Variants in CCT2 observed in about 807,000 individuals in gnomAD.
CCT2 encodes T-complex protein 1 subunit beta.
A neutral mutation model predicts 61.8 loss-of-function variants in CCT2; 18 were observed. That is an observed-to-expected ratio of 0.29 (90% CI 0.20 to 0.43). The LOEUF is 0.43. Among genes scored for constraint, CCT2 ranks in the 20% least tolerant of loss-of-function variants. The pLI, the probability that CCT2 is intolerant of heterozygous loss-of-function variation, is 1.00. For missense variants in CCT2, 556 were observed against 656.9 expected (o/e 0.85, Z 1.68); for synonymous variants, 248 against 215.9 (o/e 1.15, Z -1.30).
chr12:69,586,658 A>C (rs1167303185), intron 2 of CCT2, 95 bp from the exon 3 acceptor site: 3 of 901,898 alleles, frequency 3.3e-6, no homozygotes, highest in Admixed American at 2.4e-5. Context: ...ACAGAGCGAC[A>C]CTCTGCCTCA....
chr12:69,598,975 A>G (rs1443423376), intron 14 of CCT2, among the ~76,000 whole-genome samples: 1 of 152,224 alleles, frequency 6.6e-6, no homozygotes, highest in Non-Finnish European at 1.5e-5. Flanking sequence ...GGATTCTCAC[A>G]AGAAGAGAAG....
intron 14 of CCT2, among the ~76,000 whole-genome samples, chr12:69,599,318 A>G (rs533207156): frequency 4.8e-4 from 73 of 152,256 alleles, no homozygotes; most frequent in African/African-American, 1.3e-3. Context: ...GCCTCAAGCA[A>G]TCCTCCTGCC....
chr12:69,587,351 C>T (rs1282229435), intron 3 of CCT2, among the ~76,000 whole-genome samples, 154 bp from the exon 4 acceptor site: 2 of 152,128 alleles, frequency 1.3e-5, no homozygotes, highest in East Asian at 1.9e-4. Flanking sequence ...GGTTTGGTTA[C>T]GTGGTGTATG....
intron 6 of CCT2, 37 bp from the exon 7 acceptor site, chr12:69,589,448 G>C: frequency 6.7e-7 from 1 of 1,501,850 alleles, no homozygotes; most frequent in South Asian, 1.1e-5. Context: ...GAAAAGTAAA[G>C]TAGGGTTAAT....
intron 14 of CCT2, 67 bp downstream of exon 14, chr12:69,598,488 C>A (rs1432081145): frequency 5.2e-6 from 5 of 969,008 alleles, no homozygotes; most frequent in African/African-American, 5.0e-5. Context: ...CTTTTTTTTT[C>A]TTTTGGAACA....
At chr12:69,589,987 C>T (rs969293196) in intron 7 of CCT2, among the ~76,000 whole-genome samples, 2 of 152,040 alleles carry the variant, frequency 1.3e-5, no homozygotes, top group African/African-American at 4.8e-5. Context: ...GTACTTTTAC[C>T]AGGATTATAT....
chr12:69,597,045 T>C (rs1263925922), intron 10 of CCT2, 111 bp from the exon 11 acceptor site: 36 of 932,670 alleles, frequency 3.9e-5, no homozygotes, highest in Non-Finnish European at 5.8e-5. Flanking sequence ...CAGCAATCAA[T>C]TTTTAAAATG....
rs1365526324 is a variant in CCT2, at chr12:69,588,093, TGA to T, written c.334-55_334-54del. 8 of 1,510,770 alleles carry T rather than the reference TGA, an allele frequency of 5.3e-6. No homozygotes were observed. The African/African-American group carries it at 9.6e-5, about 18-fold the overall frequency. The allele number at this position is 1,510,770 out of a possible 1,614,324, so 93.6% of individuals were successfully genotyped here. The stretch of plus-strand genomic sequence containing the variant: ...TCCTTACTTCCTCTGTCTTTACTAT[TGA>T]GGAGTGCTTAATAATTTTCTATTTA... On this transcript the variant is annotated intron_variant, in intron 5 of 15. Coordinates refer to ENST00000299300, the MANE Select transcript of CCT2 (RefSeq NM_006431.3).
chr12:69,593,666 TG>T, intron 10 of CCT2, 53 bp downstream of exon 10: 1 of 1,108,966 alleles, frequency 9.0e-7, no homozygotes, highest in South Asian at 1.3e-5. Context: ...CTCTTGAATT[TG>T]TTATTTGTTA....
chr12:69,598,528 T>G, intron 14 of CCT2, 107 bp downstream of exon 14: 1 of 569,694 alleles, frequency 1.8e-6, no homozygotes. Flanking sequence ...TATAAAAGAC[T>G]CTTTTGGACT....
Position 69,599,908 on chromosome 12 carries a change from CAG to C in CCT2, c.1483_1484del (p.Glu495LysfsTer14). The C allele has an allele frequency of 1.2e-6, 2 of 1,613,722 alleles. No individual in the cohort carries two copies. Among genetic ancestry groups the C allele is most frequent in the Non-Finnish European group, 1.7e-6 (2 of 1,179,744 alleles). On this transcript the variant is annotated frameshift_variant, in exon 15 of 16. Transcript: ENST00000299300. LOFTEE classifies it high-confidence loss of function. ...GGAGATATGGCTATCCTGGGTATAA[CAG>C]AAAGTTTTCAAGTGAAGCGACAGGT...
At chr12:69,590,541 A>G (rs1451706811) in intron 7 of CCT2, among the ~76,000 whole-genome samples, 2 of 152,050 alleles carry the variant, frequency 1.3e-5, no homozygotes, top group Non-Finnish European at 2.9e-5. Context: ...AAGTATAGGC[A>G]TTCTTATATA....
intron 1 of CCT2, chr12:69,585,942 G>T (rs1458464741): frequency 1.6e-6 from 2 of 1,280,092 alleles, no homozygotes; most frequent in Non-Finnish European, 2.0e-6. Context: ...CGCCCGGCAG[G>T]CGTCACCTTG....
At position 69,595,688 on chromosome 12, in the gene CCT2, CAAAAA is replaced by C. The variant is rs10655703; in HGVS notation, c.983-1453_983-1449del. ...TGGGTGACAGAGCGAGACTCCGTCT[CAAAAA>C]AAAAAAAAAAAAAAGATGTAAGAAG... On this transcript the variant is annotated intron_variant, in intron 10 of 15. Transcript: ENST00000299300. Among the ~76,000 whole-genome samples, 8 of 99,506 alleles carry C rather than the reference CAAAAA, an allele frequency of 8.0e-5. 1 individual carries two copies. In the East Asian group the frequency reaches 2.4e-3, roughly 30 times the overall value. The allele number at this position is 99,506 out of a possible 152,430, so 65.3% of individuals were successfully genotyped here.
At position 69,599,962 on chromosome 12, in the gene CCT2, A is replaced by T; in HGVS notation, c.1535A>T (p.Glu512Val). 6.2e-7 allele frequency: 1 copy of T among 1,613,836 alleles called. No homozygotes were observed. Among genetic ancestry groups the T allele is most frequent in the East Asian group, 2.2e-5 (1 of 44,882 alleles). ...CTTCTGAGTGCAGCTGAAGCAGCAG[A>T]GGTGATTCTGCGTGTGGACAACATC... The part of the protein sequence containing the change: ...QVLLSAAEAA[E>V]VILRVDNIIK... The change falls in exon 15 of 16, where the codon GAG becomes GTG. Residue 512 changes from glutamate (E) to valine (V), a missense_variant. This residue lies in a region of CCT2 where 225 missense variants were observed against 249.8 expected (regional missense o/e 0.90). Transcript: ENST00000299300.
At chr12:69,587,759 C>A in intron 4 of CCT2, 143 bp downstream of exon 4, 1 of 738,462 alleles carries the variant, frequency 1.4e-6, no homozygotes, top group Non-Finnish European at 2.3e-6. Flanking sequence ...AAAATACAAG[C>A]TTCAGGAGTG....
intron 1 of CCT2, chr12:69,586,044 A>G (rs1054773430): frequency 5.8e-6 from 8 of 1,387,490 alleles, no homozygotes; most frequent in Non-Finnish European, 6.5e-6. Flanking sequence ...TGTATAATTT[A>G]TACTCCCGGG....
At chr12:69,591,590 G>A (rs74335644) in intron 7 of CCT2, among the ~76,000 whole-genome samples, 263 of 152,272 alleles carry the variant, frequency 1.7e-3, no homozygotes, top group East Asian at 0.011. Context: ...TGGGTGTAGC[G>A]TATATCTGAA....
chr12:69,593,454 TGTA>T (rs1593098734), intron 9 of CCT2, 53 bp from the exon 10 acceptor site: 1 of 1,139,710 alleles, frequency 8.8e-7, no homozygotes, highest in East Asian at 2.4e-5. Context: ...TTTAGTCTAA[TGTA>T]GTTTATCTTG....
Sources: gnomAD v4.1 joint callset for allele counts (sites outside exome capture counted in the v4.1 genomes callset) on GRCh38, gnomAD v4.1.1 for gene constraint, gnomAD v4.1.1 regional missense constraint, MANE v1.5 for transcripts, NCBI Gene and HGNC (gene_info 2026-07-23, HGNC 2026-07-21) for gene names.